Variants in BCL11B observed in about 807,000 individuals in gnomAD.
The protein encoded by BCL11B is B-cell lymphoma/leukemia 11B.
BCL11B carries 8 observed loss-of-function variants against 49.9 expected under a neutral mutation model. The observed-to-expected ratio is 0.16, with a 90% CI of 0.09 to 0.29. The LOEUF (loss-of-function observed/expected upper bound fraction) is 0.29, where lower values mean the gene tolerates loss of function less well. Among genes scored for constraint, BCL11B ranks in the 10% least tolerant of loss-of-function variants. The probability of loss-of-function intolerance (pLI) is 1.00; values close to 1 mark genes in which losing one functional copy is unlikely to be tolerated. For synonymous variants in BCL11B, 739 were observed against 637.4 expected, an observed-to-expected ratio of 1.16 and a Z score of -2.40; for missense variants, 1,006 against 1,351.0, an observed-to-expected ratio of 0.74 and a Z score of 4.00.
At chr14:99,202,428 C>T (rs975588825) in intron 3 of BCL11B, among the ~76,000 whole-genome samples, 2 of 152,238 alleles carry the variant, frequency 1.3e-5, no homozygotes, top group African/African-American at 4.8e-5. Flanking sequence ...CCCAGCTTGT[C>T]AGCTCACTGC....
Position 99,171,353 on chromosome 14 carries a change from T to C in BCL11B, c.*2798A>G, listed in dbSNP as rs576456488. On this transcript the variant is annotated 3_prime_UTR_variant, in exon 4 of 4. Transcript: ENST00000357195. ...CAATAGGACTTAACATACAAATGTG[T>C]TTTTTTTGCAATATTTTATCCTGCC... 1 of 218,836 alleles carries C rather than the reference T, an allele frequency of 4.6e-6. No homozygotes were observed. Among genetic ancestry groups the C allele is most frequent in the African/African-American group, 2.3e-5 (1 of 44,382 alleles). The allele number at this position is 218,836 out of a possible 1,614,324, so 13.6% of individuals were successfully genotyped here.
At chr14:99,187,287 A>G (rs1248610446) in intron 3 of BCL11B, among the ~76,000 whole-genome samples, 1 of 152,212 alleles carries the variant, frequency 6.6e-6, no homozygotes, top group Non-Finnish European at 1.5e-5. Context: ...GCAATTTTCC[A>G]TGTGGCAAGT....
intron 3 of BCL11B, among the ~76,000 whole-genome samples, chr14:99,218,619 T>C (rs1887923066): frequency 6.6e-6 from 1 of 152,164 alleles, no homozygotes; most frequent in Non-Finnish European, 1.5e-5. Context: ...GGGAATCCCC[T>C]GTAAGTGCCT....
chr14:99,260,364 T>C (rs966309863), intron 1 of BCL11B, among the ~76,000 whole-genome samples: 9 of 152,310 alleles, frequency 5.9e-5, no homozygotes, highest in Admixed American at 2.6e-4. Context: ...AGAGGTCTTC[T>C]TGGTTTTTTT....
At position 99,233,451 on chromosome 14, in the gene BCL11B, C is replaced by T. The variant is rs531430638; in HGVS notation, c.428-1894G>A. Among the ~76,000 whole-genome samples, 11 of 152,266 alleles carry T rather than the reference C, an allele frequency of 7.2e-5. No homozygotes were observed. In the South Asian group the frequency reaches 8.3e-4, roughly 11 times the overall value. ...TCTAGAGCAACGGCCACATAGTGGG[C>T]GGAAGTCTGAGATCCCTGGGCTCAA... is the stretch of plus-strand genomic sequence containing the variant. On this transcript the variant is annotated intron_variant, in intron 2 of 3. Transcript: ENST00000357195.
intron 3 of BCL11B, among the ~76,000 whole-genome samples, chr14:99,206,862 C>T (rs372500250): frequency 1.3e-5 from 2 of 152,152 alleles, no homozygotes; most frequent in East Asian, 3.9e-4. Context: ...CATATCCCCC[C>T]AAGGATTAGG....
chr14:99,173,303 C>T lies in BCL11B; in HGVS notation c.*848G>A, dbSNP rs1886349954. On this transcript the variant is annotated 3_prime_UTR_variant, in exon 4 of 4. Coordinates refer to ENST00000357195, the MANE Select transcript of BCL11B (RefSeq NM_138576.4). ...GTCATGCACAACCTCAGAATGCTGT[C>T]GGGCCATTTCCCAGAGGAGCCCTCC... The T allele has an allele frequency of 4.5e-6, 1 of 222,500 alleles. No individual in the cohort carries two copies. Among genetic ancestry groups the T allele is most frequent in the Admixed American group, 5.8e-5 (1 of 17,372 alleles). The allele number at this position is 222,500 out of a possible 1,614,324, so 13.8% of individuals were successfully genotyped here. A position where few individuals can be genotyped will look rare whatever the true frequency, so the allele number is the denominator to read the frequency against.
chr14:99,195,689 T>A lies in BCL11B; in HGVS notation c.641-19494A>T, dbSNP rs371791595. On this transcript the variant is annotated intron_variant, in intron 3 of 3. Transcript: ENST00000357195. The surrounding 1 kb of genome is among the most constrained non-coding windows in gnomAD (Gnocchi z 4.7). ...CATGGGAAGTGCTCAAAATAAAGCA[T>A]AAGTAAGTTTCCTCGAGCTAGCACC... Among the ~76,000 whole-genome samples the A allele has an allele frequency of 3.9e-5, 6 of 152,098 alleles. No homozygotes were observed. Among genetic ancestry groups the A allele is most frequent in the African/African-American group, 1.4e-4 (6 of 41,486 alleles).
In BCL11B at chr14:99,243,662, G is replaced by T. The variant is rs1038531895; in HGVS notation, c.428-12105C>A. Reference sequence around the variant, plus strand: ...GATTCTGCGGCTTTAACAACGACACGGCCCCTGACGCTCCAGCAACAACAA... The same window carrying T: ...GATTCTGCGGCTTTAACAACGACACTGCCCCTGACGCTCCAGCAACAACAA... On this transcript the variant is annotated intron_variant, in intron 2 of 3. Transcript: ENST00000357195. 9.9e-5 allele frequency among the ~76,000 whole-genome samples: 15 copies of T among 152,160 alleles called. No homozygotes were observed. The South Asian group carries it at 3.1e-3, about 32-fold the overall frequency.
In BCL11B at chr14:99,195,827, G is replaced by A. The variant is rs1486655144; in HGVS notation, c.641-19632C>T. ...CATAGTAGGTGCTCAGCCAACACCT[G>A]CTAGACTGAGCTGACACAGCCCTCC... On this transcript the variant is annotated intron_variant, in intron 3 of 3. Coordinates refer to ENST00000357195, the MANE Select transcript of BCL11B (RefSeq NM_138576.4). The surrounding 1 kb of genome is among the most constrained non-coding windows in gnomAD (Gnocchi z 4.7). Among the ~76,000 whole-genome samples, 1 of 152,096 alleles carries A rather than the reference G, an allele frequency of 6.6e-6. No individual in the cohort carries two copies. Among genetic ancestry groups the A allele is most frequent in the African/African-American group, 2.4e-5 (1 of 41,418 alleles).
chr14:99,249,494 A>G (rs1305859544), intron 2 of BCL11B, among the ~76,000 whole-genome samples: 2 of 152,214 alleles, frequency 1.3e-5, no homozygotes, highest in Non-Finnish European at 2.9e-5. Flanking sequence ...CTCACCGGAC[A>G]ACTGTGCAAG....
intron 3 of BCL11B, among the ~76,000 whole-genome samples, chr14:99,196,192 C>A (rs1224376547): frequency 6.6e-6 from 1 of 152,132 alleles, no homozygotes; most frequent in Non-Finnish European, 1.5e-5. Context: ...AATGCTGCCC[C>A]CCAGCCCACG....
At chr14:99,177,565 A>C (rs963649641) in intron 3 of BCL11B, among the ~76,000 whole-genome samples, 2 of 149,484 alleles carry the variant, frequency 1.3e-5, no homozygotes, top group African/African-American at 5.0e-5. Flanking sequence ...TGCAAGAGGA[A>C]CAAGAATCCC....
intron 3 of BCL11B, among the ~76,000 whole-genome samples, chr14:99,188,362 T>C (rs1456458612): frequency 3.3e-5 from 5 of 152,244 alleles, no homozygotes; most frequent in Non-Finnish European, 7.3e-5. Flanking sequence ...TGCAAGTAAT[T>C]TCCCCCCAGT....
At chr14:99,254,334 C>T (rs759089689) in intron 2 of BCL11B, among the ~76,000 whole-genome samples, 6 of 152,224 alleles carry the variant, frequency 3.9e-5, no homozygotes, top group Non-Finnish European at 7.3e-5. Flanking sequence ...ATGGGGTCCC[C>T]GACCTAGTGT....
At chr14:99,238,633 G>C (rs1566825031) in intron 2 of BCL11B, among the ~76,000 whole-genome samples, 1 of 152,158 alleles carries the variant, frequency 6.6e-6, no homozygotes, top group Non-Finnish European at 1.5e-5. Flanking sequence ...GCATTTGCAG[G>C]GGGTAGGGGG....
chr14:99,239,697 G>A (rs1417409035), intron 2 of BCL11B, among the ~76,000 whole-genome samples: 2 of 152,062 alleles, frequency 1.3e-5, no homozygotes, highest in East Asian at 1.9e-4. Context: ...GGAATGACCC[G>A]GAAAACACTG....
intron 3 of BCL11B, among the ~76,000 whole-genome samples, chr14:99,183,686 C>T (rs549096014): frequency 1.3e-5 from 2 of 151,832 alleles, no homozygotes; most frequent in East Asian, 3.9e-4. Flanking sequence ...ATACAGTAGG[C>T]ACTGGGTACA....
intron 3 of BCL11B, among the ~76,000 whole-genome samples, chr14:99,204,454 G>T (rs12885251): frequency 4.6e-5 from 7 of 152,140 alleles, no homozygotes; most frequent in Middle Eastern, 3.4e-3. Context: ...CTTGGGGTAG[G>T]GGGGAGGGAG....
Sources: gnomAD v4.1 joint callset for allele counts (sites outside exome capture counted in the v4.1 genomes callset) on GRCh38, gnomAD v4.1.1 for gene constraint, Gnocchi (gnomAD v3.1) non-coding constraint, MANE v1.5 for transcripts, NCBI Gene and HGNC (gene_info 2026-07-23, HGNC 2026-07-21) for gene names.